DARS1: variants seen among roughly 807,000 people sequenced by gnomAD.
DARS1 encodes the protein aspartyl-tRNA synthetase 1.
A neutral mutation model predicts 68.8 loss-of-function variants in DARS1; 51 were observed. The observed-to-expected ratio is 0.74, with a 90% CI of 0.59 to 0.94. The LOEUF (loss-of-function observed/expected upper bound fraction) is 0.94, where lower values mean the gene tolerates loss of function less well. DARS1 is among the 40% of genes least tolerant of loss of function. The probability of loss-of-function intolerance (pLI) is 0.00; values close to 1 mark genes in which losing one functional copy is unlikely to be tolerated. For missense variants in DARS1, 607 were observed against 597.3 expected (o/e 1.02, Z -0.17); for synonymous variants, 203 against 190.4 (o/e 1.07, Z -0.55).
intron 5 of DARS1, among the ~76,000 whole-genome samples, chr2:135,934,889 G>C (rs1314625420): frequency 6.6e-6 from 1 of 150,870 alleles, no homozygotes; most frequent in African/African-American, 2.4e-5. Context: ...CTGTCTCCCG[G>C]GTTCAAGCGA....
chr2:135,934,175 GATA>G (rs1274044281), intron 5 of DARS1, among the ~76,000 whole-genome samples, 185 bp from the exon 6 acceptor site: 7 of 152,172 alleles, frequency 4.6e-5, no homozygotes, highest in African/African-American at 4.8e-5. Flanking sequence ...TTAAAATGGG[GATA>G]ATAATATTTT....
At chr2:135,946,118 T>C (rs553733232) in intron 4 of DARS1, among the ~76,000 whole-genome samples, 2 of 152,340 alleles carry the variant, frequency 1.3e-5, no homozygotes, top group East Asian at 3.9e-4. Flanking sequence ...TGTGTGTATA[T>C]ATAAAATAGA....
In DARS1 at chr2:135,985,523, C is replaced by T. The variant is rs528592007; in HGVS notation, c.-55G>A. 6.2e-7 allele frequency: 1 copy of T among 1,613,342 alleles called. No individual in the cohort carries two copies. The highest frequency in any genetic ancestry group is 2.2e-5 in the East Asian group (1 of 44,856). On this transcript the variant is annotated 5_prime_UTR_variant, in exon 1 of 16. Coordinates refer to ENST00000264161, the MANE Select transcript of DARS1 (RefSeq NM_001349.4). ...CCCTCCCTCGCAGGCTTCCGTAAGGCAGGCCAAAGGGGCTTCTCCCTCCCT... is the reference window on the plus strand; with the variant it reads ...CCCTCCCTCGCAGGCTTCCGTAAGGTAGGCCAAAGGGGCTTCTCCCTCCCT...
intron 9 of DARS1, among the ~76,000 whole-genome samples, chr2:135,921,714 A>G (rs771558718): frequency 6.6e-6 from 1 of 152,162 alleles, no homozygotes; most frequent in Non-Finnish European, 1.5e-5. Flanking sequence ...AACAATACCC[A>G]GGACTTGTGA....
chr2:135,966,364 A>G (rs1464372845), intron 3 of DARS1, among the ~76,000 whole-genome samples: 2 of 152,208 alleles, frequency 1.3e-5, no homozygotes, highest in African/African-American at 2.4e-5. Flanking sequence ...TCAGTTTAGT[A>G]AAAAGTTCTC....
chr2:135,908,780 T>C (rs917858152), intron 15 of DARS1, among the ~76,000 whole-genome samples: 1 of 152,228 alleles, frequency 6.6e-6, no homozygotes, highest in African/African-American at 2.4e-5. Flanking sequence ...GCTTTTTTCT[T>C]GTAAATTTGT....
intron 3 of DARS1, among the ~76,000 whole-genome samples, chr2:135,962,186 T>C (rs1682117253): frequency 6.6e-6 from 1 of 152,226 alleles, no homozygotes; most frequent in Non-Finnish European, 1.5e-5. Context: ...TATTTTTACA[T>C]ATCCTGGGCC....
At chr2:135,973,932 T>C (rs1370088481) in intron 3 of DARS1, among the ~76,000 whole-genome samples, 4 of 152,098 alleles carry the variant, frequency 2.6e-5, no homozygotes, top group Non-Finnish European at 5.9e-5. Context: ...AAAGAATAAA[T>C]GCTTGAGGGG....
At chr2:135,982,568 C>T (rs769173344) in intron 2 of DARS1, among the ~76,000 whole-genome samples, 3 of 151,396 alleles carry the variant, frequency 2.0e-5, no homozygotes, top group African/African-American at 7.3e-5. Flanking sequence ...TGCACTCCAG[C>T]CTGGGCGACA....
At chr2:135,954,931 G>T (rs748588225) in intron 4 of DARS1, among the ~76,000 whole-genome samples, 26 of 151,922 alleles carry the variant, frequency 1.7e-4, no homozygotes, top group Non-Finnish European at 3.1e-4. Flanking sequence ...AGGTACCACA[G>T]ATTTAAGCAC....
At chr2:135,957,754 T>G (rs309142) in intron 4 of DARS1, among the ~76,000 whole-genome samples, 12 of 151,970 alleles carry the variant, frequency 7.9e-5, no homozygotes, top group African/African-American at 2.2e-4. Context: ...TTTAGTGGAA[T>G]AAAAAATGTC....
intron 2 of DARS1, among the ~76,000 whole-genome samples, chr2:135,980,216 A>T (rs1166526382): frequency 6.6e-6 from 1 of 152,218 alleles, no homozygotes; most frequent in Non-Finnish European, 1.5e-5. Context: ...TAGAGTTCCT[A>T]AACAGGAAAA....
chr2:135,911,794 T>A (rs1478324939), intron 13 of DARS1, among the ~76,000 whole-genome samples: 2 of 152,178 alleles, frequency 1.3e-5, no homozygotes, highest in Non-Finnish European at 2.9e-5. Flanking sequence ...TTAAGAATGA[T>A]ATTATTTTGG....
intron 10 of DARS1, 60 bp downstream of exon 10, chr2:135,920,393 T>C: frequency 6.7e-7 from 1 of 1,502,250 alleles, no homozygotes. Flanking sequence ...AAGAATTTTT[T>C]TTTTAAAGGG....
intron 4 of DARS1, among the ~76,000 whole-genome samples, chr2:135,945,316 C>A (rs1681696733): frequency 6.6e-6 from 1 of 152,046 alleles, no homozygotes; most frequent in African/African-American, 2.4e-5. Flanking sequence ...TTAGCAGAGA[C>A]AGGGTTTCAC....
chr2:135,969,315 G>T (rs1054110300), intron 3 of DARS1, among the ~76,000 whole-genome samples: 2 of 151,842 alleles, frequency 1.3e-5, no homozygotes, highest in African/African-American at 4.8e-5. Flanking sequence ...TGTGTGTGTG[G>T]GTGTGTATGT....
In DARS1 at chr2:135,916,413, A is replaced by T. The variant is rs547481033; in HGVS notation, c.960-41T>A. On this transcript the variant is annotated intron_variant, in intron 10 of 15. Transcript: ENST00000264161. ...TTTAGTTAATAAAATGTATGAGATA[A>T]ATGTTTCCCCCACAAGAGGTCACTG... is the stretch of plus-strand genomic sequence containing the variant. 5 of 1,279,502 alleles carry T rather than the reference A, an allele frequency of 3.9e-6. No homozygotes were observed. The African/African-American group carries it at 5.8e-5, about 15-fold the overall frequency. 79.3% of individuals were successfully genotyped at this position (1,279,502 alleles called of 1,614,324 possible).
chr2:135,955,284 C>T (rs1240884812), intron 4 of DARS1, among the ~76,000 whole-genome samples: 7 of 152,022 alleles, frequency 4.6e-5, no homozygotes, highest in Non-Finnish European at 1.0e-4. Context: ...AGATTTTCAG[C>T]AAAACCGATA....
intron 15 of DARS1, among the ~76,000 whole-genome samples, chr2:135,908,632 T>C (rs1441266830): frequency 5.9e-5 from 9 of 152,232 alleles, no homozygotes; most frequent in Admixed American, 4.6e-4. Context: ...TGGTATCTCA[T>C]TGTGGTTTTG....
Sources: allele counts gnomAD v4.1 joint callset (sites outside exome capture counted in the v4.1 genomes callset), GRCh38; gene constraint gnomAD v4.1.1; transcripts MANE v1.5; gene names NCBI Gene and HGNC (gene_info 2026-07-23, HGNC 2026-07-21).